HERC3: variants seen among roughly 807,000 people sequenced by gnomAD.
HERC3 encodes the protein probable E3 ubiquitin-protein ligase HERC3.
Under a neutral mutation model 129.9 loss-of-function variants are expected in HERC3, and 58 were observed. That is an observed-to-expected ratio of 0.45 (90% confidence interval 0.36 to 0.56). The LOEUF (loss-of-function observed/expected upper bound fraction) is 0.56, where lower values mean the gene tolerates loss of function less well. Among genes scored for constraint, HERC3 ranks in the 20% least tolerant of loss-of-function variants. HERC3 has a pLI of 0.00. For missense variants in HERC3, 835 were observed against 1,244.2 expected, an observed-to-expected ratio of 0.67 and a Z score of 4.95; for synonymous variants, 430 against 451.0, an observed-to-expected ratio of 0.95 and a Z score of 0.59.
the HERC3 span, among the ~76,000 whole-genome samples, chr4:88,551,704 A>C: frequency 6.6e-6 from 1 of 152,198 alleles, no homozygotes; most frequent in African/African-American, 2.4e-5. Context: ...AACTAGTTCA[A>C]CCCTTGTGGA....
In HERC3 at chr4:88,652,654, G is replaced by A. The variant is rs528578059; in HGVS notation, c.464-215G>A. On this transcript the variant is annotated intron_variant, in intron 5 of 25. Transcript: ENST00000402738. The stretch of plus-strand genomic sequence containing the variant: ...TATTTTCTGTGTATAAATTTTAATA[G>A]CCTTTGAAGGGCAGTAAGACTCAGC... 3.3e-5 allele frequency among the ~76,000 whole-genome samples: 5 copies of A among 152,254 alleles called. No homozygotes were observed. The South Asian group carries it at 6.2e-4, about 19-fold the overall frequency.
intron 25 of HERC3, among the ~76,000 whole-genome samples, chr4:88,704,901 C>T (rs1373577642): frequency 6.9e-6 from 1 of 144,928 alleles, no homozygotes; most frequent in Admixed American, 6.9e-5. Context: ...TACTCTGCTG[C>T]CCAGGCTGGA....
chr4:88,550,648 T>C, the HERC3 span, among the ~76,000 whole-genome samples: 2 of 151,912 alleles, frequency 1.3e-5, no homozygotes, highest in Admixed American at 6.6e-5. Context: ...TACAAACAAA[T>C]GGAAGAACAT....
chr4:88,702,461 A>G (rs1408040029), intron 23 of HERC3, among the ~76,000 whole-genome samples: 1 of 152,246 alleles, frequency 6.6e-6, no homozygotes, highest in Non-Finnish European at 1.5e-5. Context: ...AACACAACTT[A>G]CATAAATGCC....
the HERC3 span, among the ~76,000 whole-genome samples, chr4:88,536,764 A>T: frequency 2.6e-5 from 4 of 151,912 alleles, no homozygotes; most frequent in African/African-American, 9.7e-5. Context: ...AGCACAATGA[A>T]TTTTTTTTCA....
chr4:88,626,917 T>C (rs1222668081), intron 3 of HERC3, among the ~76,000 whole-genome samples: 5 of 152,074 alleles, frequency 3.3e-5, no homozygotes. Flanking sequence ...TTGCTGTTAA[T>C]TATTTTCTTC....
the HERC3 span, among the ~76,000 whole-genome samples, chr4:88,561,992 T>C: frequency 6.6e-6 from 1 of 152,216 alleles, no homozygotes; most frequent in Non-Finnish European, 1.5e-5. Context: ...CTGATTTCCA[T>C]TCTTTTGGGT....
chr4:88,596,070 T>C (rs901408541), intron 2 of HERC3, among the ~76,000 whole-genome samples: 1 of 151,972 alleles, frequency 6.6e-6, no homozygotes, highest in African/African-American at 2.4e-5. Flanking sequence ...AGGATGGTCT[T>C]GATCTCCTGA....
At chr4:88,574,241 C>T in the HERC3 span, among the ~76,000 whole-genome samples, 1 of 152,178 alleles carries the variant, frequency 6.6e-6, no homozygotes, top group Admixed American at 6.5e-5. Context: ...TAGGGGAAGT[C>T]CTGTGGCAGT....
At chr4:88,537,321 T>C in the HERC3 span, among the ~76,000 whole-genome samples, 5 of 152,194 alleles carry the variant, frequency 3.3e-5, no homozygotes, top group African/African-American at 9.6e-5. Context: ...TCTTTTTTTG[T>C]CTTTCATGAC....
intron 23 of HERC3, chr4:88,696,466 G>A (rs750802600): frequency 3.3e-5 from 5 of 152,516 alleles, no homozygotes; most frequent in Admixed American, 6.5e-5. Flanking sequence ...TTACGTGTTT[G>A]TAAATAGACA....
chr4:88,591,150 C>T (rs1721682979), upstream of HERC3, among the ~76,000 whole-genome samples: 1 of 152,190 alleles, frequency 6.6e-6, no homozygotes, highest in Non-Finnish European at 1.5e-5. Context: ...GCTTCGGCCT[C>T]CCAAAGTGCC....
Position 88,654,389 on chromosome 4 carries a change from C to T in HERC3, c.777+256C>T, listed in dbSNP as rs202040677. ...ATATATATATATATATATATATATA[C>T]ACACACACACATAATGTAGATTATA... On this transcript the variant is annotated intron_variant, in intron 7 of 25. Coordinates refer to ENST00000402738, the MANE Select transcript of HERC3 (RefSeq NM_014606.3). Among the ~76,000 whole-genome samples the T allele has an allele frequency of 9.3e-3, 740 of 79,468 alleles. 3 individuals are homozygous for T. The highest frequency in any genetic ancestry group is 0.025 in the African/African-American group (630 of 25,204). 52.1% of individuals were successfully genotyped at this position (79,468 alleles called of 152,430 possible).
intron 23 of HERC3, among the ~76,000 whole-genome samples, chr4:88,702,963 T>C (rs1179559011): frequency 3.3e-5 from 5 of 152,228 alleles, no homozygotes; most frequent in African/African-American, 1.2e-4. Flanking sequence ...AACCAACCTC[T>C]TATCTGCAAT....
chr4:88,541,148 A>G, the HERC3 span, among the ~76,000 whole-genome samples: 17 of 152,214 alleles, frequency 1.1e-4, no homozygotes, highest in African/African-American at 3.9e-4. Context: ...AGACTGGCAA[A>G]TTGGATAAAC....
chr4:88,564,885 G>T, the HERC3 span, among the ~76,000 whole-genome samples: 17 of 151,620 alleles, frequency 1.1e-4, no homozygotes, highest in African/African-American at 3.9e-4. Flanking sequence ...TCTTAGTACT[G>T]GTTTCACTGT....
At chr4:88,585,903 A>G in the HERC3 span, among the ~76,000 whole-genome samples, 1 of 152,230 alleles carries the variant, frequency 6.6e-6, no homozygotes, top group African/African-American at 2.4e-5. Context: ...TTACAAAATT[A>G]ATAAGAAAGA....
chr4:88,693,702 T>C (rs1734307116), intron 23 of HERC3: 2 of 984,036 alleles, frequency 2.0e-6, no homozygotes, highest in Non-Finnish European at 2.4e-6. Context: ...ATGCATTGAG[T>C]GTACATTCTC....
chr4:88,653,810 G>C (rs1446892409), intron 6 of HERC3, among the ~76,000 whole-genome samples: 1 of 152,218 alleles, frequency 6.6e-6, no homozygotes, highest in Non-Finnish European at 1.5e-5. Flanking sequence ...GGAAAACCGT[G>C]TGTAGTAAAG....
Sources: gnomAD v4.1 joint callset for allele counts (sites outside exome capture counted in the v4.1 genomes callset) on GRCh38, gnomAD v4.1.1 for gene constraint, MANE v1.5 for transcripts, NCBI Gene and HGNC (gene_info 2026-07-23, HGNC 2026-07-21) for gene names.